IPCEF1: variants seen among roughly 807,000 people sequenced by gnomAD.
IPCEF1 encodes the protein interactor protein for cytohesin exchange factors 1.
A neutral mutation model predicts 50.9 loss-of-function variants in IPCEF1; 31 were observed. That is an observed-to-expected ratio of 0.61 (90% CI 0.46 to 0.82). The LOEUF (loss-of-function observed/expected upper bound fraction) is 0.82, where lower values mean the gene tolerates loss of function less well. Among genes scored for constraint, IPCEF1 ranks in the 40% least tolerant of loss-of-function variants. The pLI is 0.00. For synonymous variants in IPCEF1, 181 were observed against 192.0 expected, an observed-to-expected ratio of 0.94 and a Z score of 0.47; for missense variants, 458 against 514.0, an observed-to-expected ratio of 0.89 and a Z score of 1.05.
chr6:154,195,781 C>G (rs1776566900), intron 10 of IPCEF1, among the ~76,000 whole-genome samples: 1 of 143,660 alleles, frequency 7.0e-6, no homozygotes, highest in Non-Finnish European at 1.5e-5. Flanking sequence ...AGAATTGTAC[C>G]TTGTTCACAA....
chr6:154,241,950 C>T (rs990247737), intron 5 of IPCEF1, among the ~76,000 whole-genome samples: 37 of 152,118 alleles, frequency 2.4e-4, no homozygotes, highest in African/African-American at 7.2e-4. Context: ...CTGGCTTTGT[C>T]GTTGGGAAAC....
rs1784222730 is a variant in IPCEF1 at position 154,356,682 on chromosome 6, AAG to A, written c.-74_-73del. 6.6e-6 allele frequency: 1 copy of A among 152,156 alleles called. No homozygotes were observed. Among genetic ancestry groups the A allele is most frequent in the South Asian group, 2.1e-4 (1 of 4,828 alleles). 9.4% of individuals were successfully genotyped at this position (152,156 alleles called of 1,614,324 possible). On this transcript the variant is annotated 5_prime_UTR_variant, in exon 1 of 12. An upstream open reading frame in the 5' UTR loses its in-frame stop. Coordinates refer to ENST00000367220, the MANE Select transcript of IPCEF1 (RefSeq NM_001130700.2). ...AGTGACGTTACTTACATGCAATACA[AAG>A]AGAGTAAATCCAAGAGCAGTCTTAT...
chr6:154,296,721 C>T (rs993476714), intron 1 of IPCEF1, among the ~76,000 whole-genome samples: 17 of 150,514 alleles, frequency 1.1e-4, no homozygotes, highest in African/African-American at 3.4e-4. Context: ...CCCAACTACT[C>T]GGGAGGCTGA....
intron 9 of IPCEF1, among the ~76,000 whole-genome samples, chr6:154,211,505 C>T (rs1777963856): frequency 6.6e-6 from 1 of 151,972 alleles, no homozygotes; most frequent in Non-Finnish European, 1.5e-5. Context: ...CTTGAGCATG[C>T]CATTCAACAT....
At chr6:154,183,490 C>G (rs12198177) in intron 10 of IPCEF1, among the ~76,000 whole-genome samples, 52,074 of 152,002 alleles carry the variant, frequency 0.34, 9,276 homozygotes, top group Middle Eastern at 0.48. Flanking sequence ...TAAATAAAAC[C>G]TGAAAATTAA....
intron 7 of IPCEF1, chr6:154,217,058 A>G: frequency 6.2e-6 from 1 of 160,340 alleles, no homozygotes; most frequent in Non-Finnish European, 1.4e-5. Context: ...CATATATGAA[A>G]AGCCACCAAG....
chr6:154,240,043 C>T (rs767920574), intron 5 of IPCEF1, among the ~76,000 whole-genome samples: 5 of 152,086 alleles, frequency 3.3e-5, no homozygotes, highest in South Asian at 4.1e-4. Context: ...GTTTGGGATA[C>T]GCTCAGAGGC....
chr6:154,320,462 C>T (rs1461260939), intron 1 of IPCEF1, among the ~76,000 whole-genome samples: 3 of 152,122 alleles, frequency 2.0e-5, no homozygotes, highest in African/African-American at 7.2e-5. Context: ...TTTCAAGAAG[C>T]CTAGAAAAAC....
intron 1 of IPCEF1, among the ~76,000 whole-genome samples, chr6:154,332,288 GTTTTT>G: frequency 7.1e-6 from 1 of 140,478 alleles, no homozygotes. Flanking sequence ...TGTGTGAGTG[GTTTTT>G]TTTTTTTTTT....
chr6:154,350,536 C>T (rs993793935), intron 1 of IPCEF1, among the ~76,000 whole-genome samples: 2 of 152,218 alleles, frequency 1.3e-5, no homozygotes, highest in African/African-American at 4.8e-5. Context: ...GAGTCACGTC[C>T]AATTTGGCCC....
chr6:154,204,942 G>C (rs1346666120), intron 9 of IPCEF1, among the ~76,000 whole-genome samples: 7 of 152,116 alleles, frequency 4.6e-5, no homozygotes, highest in Admixed American at 4.6e-4. Flanking sequence ...AGCCACACTG[G>C]CCTTCTTTCT....
At chr6:154,250,298 G>A (rs1238655459) in intron 3 of IPCEF1, among the ~76,000 whole-genome samples, 1 of 150,440 alleles carries the variant, frequency 6.6e-6, no homozygotes, top group East Asian at 1.9e-4. Flanking sequence ...TTTATGAGAT[G>A]GTTTTTCAAT....
At chr6:154,221,107 C>T (rs998974493) in intron 7 of IPCEF1, 150 bp downstream of exon 7, 10 of 600,094 alleles carry the variant, frequency 1.7e-5, no homozygotes, top group South Asian at 1.3e-4. Context: ...GAAGAAAGCA[C>T]GAAGGCATTG....
At chr6:154,171,797 A>T (rs1447488513) in intron 10 of IPCEF1, among the ~76,000 whole-genome samples, 5 of 152,224 alleles carry the variant, frequency 3.3e-5, no homozygotes, top group Non-Finnish European at 5.9e-5. Flanking sequence ...GGGGGGCATT[A>T]GGATTGAAGA....
At chr6:154,244,560 A>G (rs955683036) in intron 5 of IPCEF1, among the ~76,000 whole-genome samples, 8 of 152,176 alleles carry the variant, frequency 5.3e-5, no homozygotes, top group African/African-American at 1.9e-4. Context: ...GAGTGTATCT[A>G]AGGCTCTATC....
At chr6:154,264,828 C>T (rs993715796) in intron 3 of IPCEF1, among the ~76,000 whole-genome samples, 1 of 152,168 alleles carries the variant, frequency 6.6e-6, no homozygotes, top group African/African-American at 2.4e-5. Flanking sequence ...GTTTCAGCCG[C>T]CCTGCATGTT....
intron 10 of IPCEF1, among the ~76,000 whole-genome samples, chr6:154,180,191 T>C (rs12199459): frequency 0.081 from 12,375 of 152,098 alleles, 985 homozygotes; most frequent in East Asian, 0.42. Flanking sequence ...CTTAAAAGTG[T>C]CAGTGCCTCA....
In IPCEF1 at chr6:154,154,860, C is replaced by T. The variant is rs1297644240; in HGVS notation, c.*4968G>A. The T allele has an allele frequency of 6.6e-6, 1 of 152,420 alleles. No individual in the cohort carries two copies. Among genetic ancestry groups the T allele is most frequent in the Non-Finnish European group, 1.5e-5 (1 of 68,002 alleles). The allele number at this position is 152,420 out of a possible 1,614,324, so 9.4% of individuals were successfully genotyped here. ...ACAGTAAAACTTAAGCTAAGATTTC[C>T]ACATTAATATCTTGCCCCCAAACAC... On this transcript the variant is annotated 3_prime_UTR_variant, in exon 12 of 12. Transcript: ENST00000367220.
At chr6:154,220,234 G>A (rs183883923) in intron 7 of IPCEF1, among the ~76,000 whole-genome samples, 19 of 152,230 alleles carry the variant, frequency 1.2e-4, no homozygotes, top group African/African-American at 4.3e-4. Context: ...TGTGGTAGGC[G>A]TTCCATTAAC....
Sources: allele counts gnomAD v4.1 joint callset (sites outside exome capture counted in the v4.1 genomes callset), GRCh38; gene constraint gnomAD v4.1.1; transcripts MANE v1.5; gene names NCBI Gene and HGNC (gene_info 2026-07-23, HGNC 2026-07-21).